The following CIP2A variants were observed in gnomAD, a reference collection of about 807,000 sequenced individuals.
CIP2A encodes the protein protein CIP2A.
A neutral mutation model predicts 110.9 loss-of-function variants in CIP2A; 103 were observed. That is an observed-to-expected ratio of 0.93 (90% CI 0.79 to 1.09). The LOEUF is 1.09. Ranked by LOEUF, CIP2A falls within the 50% of genes least tolerant of loss-of-function variation. The pLI, the probability that CIP2A is intolerant of heterozygous loss-of-function variation, is 0.00. For missense variants in CIP2A, 1,088 were observed against 1,038.4 expected (o/e 1.05, Z -0.66); for synonymous variants, 381 against 361.6 (o/e 1.05, Z -0.61).
At chr3:108,561,490 G>T (rs1938004150) in intron 13 of CIP2A, among the ~76,000 whole-genome samples, 1 of 152,004 alleles carries the variant, frequency 6.6e-6, no homozygotes, top group African/African-American at 2.4e-5. Context: ...GGGCAACCTG[G>T]TGAGACCCCT....
chr3:108,562,784 A>G (rs1440876004), intron 13 of CIP2A, among the ~76,000 whole-genome samples: 1 of 152,034 alleles, frequency 6.6e-6, no homozygotes, highest in Non-Finnish European at 1.5e-5. Flanking sequence ...CCTTTTCCTT[A>G]AACAGTCAGG....
chr3:108,587,636 T>C (rs551117235), intron 1 of CIP2A, among the ~76,000 whole-genome samples: 7 of 152,346 alleles, frequency 4.6e-5, no homozygotes, highest in Non-Finnish European at 1.0e-4. Context: ...ATTTTATCTC[T>C]TAATTACAAA....
Position 108,579,573 on chromosome 3 carries a change from CCCA to C in CIP2A, c.662_664del (p.Val221del), listed in dbSNP as rs997506617. The stretch of plus-strand genomic sequence containing the variant: ...TTGAAAAATTGTATTTACCTTTTCC[CCCA>C]CCTCTTCATTTAATGTCAAACTGGA... On this transcript the variant is annotated inframe_deletion, in exon 6 of 21. Transcript: ENST00000295746. 1 of 1,588,718 alleles carries C rather than the reference CCCA, an allele frequency of 6.3e-7. No individual in the cohort carries two copies. Among genetic ancestry groups the C allele is most frequent in the African/African-American group, 1.4e-5 (1 of 73,724 alleles).
At position 108,551,217 on chromosome 3, in the gene CIP2A, T is replaced by G; in HGVS notation, c.2650A>C (p.Met884Leu). The G allele has an allele frequency of 1.9e-6, 3 of 1,612,100 alleles. No homozygotes were observed. The highest frequency in any genetic ancestry group is 2.5e-6 in the Non-Finnish European group (3 of 1,178,698). The change falls in exon 21 of 21, where the codon ATG (methionine) becomes CTG (leucine). Residue 884 changes from methionine to leucine, a missense_variant. Physicochemically the swap from Met to Leu is conservative, Grantham distance 15. Transcript: ENST00000295746. ...CTTAAACTGTGGATCATTGCTATCA[T>G]GTGGGAGTGTTTGTTCAATTCCTCT... ...QQEELNKHSH[M>L]IAMIHSLSGG...
chr3:108,571,493 T>A (rs1326909724), intron 8 of CIP2A, among the ~76,000 whole-genome samples: 1 of 152,212 alleles, frequency 6.6e-6, no homozygotes, highest in Non-Finnish European at 1.5e-5. Context: ...TACATTCACA[T>A]GGTTCAAAAG....
At chr3:108,579,878 A>T (rs1375242382) in intron 5 of CIP2A, among the ~76,000 whole-genome samples, 190 bp from the exon 6 acceptor site, 2 of 152,218 alleles carry the variant, frequency 1.3e-5, no homozygotes, top group African/African-American at 4.8e-5. Context: ...AAATTCAAAA[A>T]TTGTTATAAA....
chr3:108,559,753 A>T lies in CIP2A; in HGVS notation c.2013+4T>A. Reference sequence around the variant, plus strand: ...AATCAGATGTGTCTTTATATTCTACACACCTCTGTTTCAGCTTGAGTTCTT... The same window carrying T: ...AATCAGATGTGTCTTTATATTCTACTCACCTCTGTTTCAGCTTGAGTTCTT... On this transcript the variant is annotated splice_donor_region_variant and intron_variant, in intron 16 of 20. Transcript: ENST00000295746. The T allele has an allele frequency of 1.3e-6, 2 of 1,541,490 alleles. No individual in the cohort carries two copies. Among genetic ancestry groups the T allele is most frequent in the Non-Finnish European group, 1.8e-6 (2 of 1,127,690 alleles).
At chr3:108,556,907 C>T (rs1937821099) in intron 17 of CIP2A, among the ~76,000 whole-genome samples, 1 of 151,802 alleles carries the variant, frequency 6.6e-6, no homozygotes, top group African/African-American at 2.4e-5. Flanking sequence ...TCCTACAGGC[C>T]CTAGGGATCT....
chr3:108,570,655 T>C (rs1194718611), intron 8 of CIP2A, among the ~76,000 whole-genome samples: 1 of 152,132 alleles, frequency 6.6e-6, no homozygotes, highest in Non-Finnish European at 1.5e-5. Flanking sequence ...TACACCTGTA[T>C]AGGACACTTA....
In CIP2A at chr3:108,576,356, GAATAAA is replaced by G; in HGVS notation, c.819-16_819-11del. 1 of 1,386,396 alleles carries G rather than the reference GAATAAA, an allele frequency of 7.2e-7. No homozygotes were observed. Among genetic ancestry groups the G allele is most frequent in the Non-Finnish European group, 9.9e-7 (1 of 1,006,726 alleles). 85.9% of individuals were successfully genotyped at this position (1,386,396 alleles called of 1,614,324 possible). On this transcript the variant is annotated splice_polypyrimidine_tract_variant and intron_variant, in intron 7 of 20. Transcript: ENST00000295746. ...AGAAAAGTGCTCATATCTAGGTTTA[GAATAAA>G]AATATACATCAAATGATAAATATAA...
intron 15 of CIP2A, 35 bp downstream of exon 15, chr3:108,559,919 C>G: frequency 6.3e-7 from 1 of 1,577,866 alleles, no homozygotes. Flanking sequence ...TCTATTAAAG[C>G]TTATTACACA....
chr3:108,583,052 C>CT lies in CIP2A; in HGVS notation c.281dup (p.Asn95GlufsTer4). On this transcript the variant is annotated frameshift_variant, in exon 3 of 21. Transcript: ENST00000295746. LOFTEE classifies it high-confidence loss of function. ...GCACACTATTCAGATTATATGTATT[C>CT]TGAAGACAATCTCTGGTTTCAATGT... is the stretch of plus-strand genomic sequence containing the variant. 1 of 1,600,756 alleles carries CT rather than the reference C, an allele frequency of 6.2e-7. No homozygotes were observed. The highest frequency in any genetic ancestry group is 8.5e-7 in the Non-Finnish European group (1 of 1,173,520).
At chr3:108,579,148 T>A in intron 7 of CIP2A, 133 bp downstream of exon 7, 3 of 678,620 alleles carry the variant, frequency 4.4e-6, no homozygotes, top group Non-Finnish European at 7.4e-6. Flanking sequence ...GTAAAGCACA[T>A]CAAAACATTT....
intron 1 of CIP2A, chr3:108,585,754 G>C (rs747683953): frequency 2.2e-6 from 1 of 456,392 alleles, no homozygotes; most frequent in Non-Finnish European, 4.4e-6. Context: ...GGTGAGCTCA[G>C]AAGTTAAGGG....
In CIP2A at chr3:108,576,425, T is replaced by C. The variant is rs376243740; in HGVS notation, c.819-79A>G. The C allele has an allele frequency of 2.7e-5, 20 of 731,288 alleles. No homozygotes were observed. The East Asian group carries it at 3.7e-4, about 13-fold the overall frequency. The allele number at this position is 731,288 out of a possible 1,614,324, so 45.3% of individuals were successfully genotyped here. On this transcript the variant is annotated intron_variant, in intron 7 of 20. Transcript: ENST00000295746. Reference sequence around the variant, plus strand: ...AAAAGGGATTTATCTACAAGATAAATATAAAATTTATGTGTATTTTCTTTC... The same window carrying C: ...AAAAGGGATTTATCTACAAGATAAACATAAAATTTATGTGTATTTTCTTTC...
intron 7 of CIP2A, among the ~76,000 whole-genome samples, chr3:108,577,880 T>C (rs894308383): frequency 4.6e-5 from 7 of 151,904 alleles, no homozygotes; most frequent in East Asian, 1.9e-4. Context: ...GCCTGGGCAA[T>C]AGAGCGAGAC....
chr3:108,582,169 C>T lies in CIP2A; in HGVS notation c.391G>A (p.Val131Ile). ...TTGGCACCAGAATAGAAAATTTTGA[C>T]ATTATATGTTAACTTCTGTAGAAGT... is the stretch of plus-strand genomic sequence containing the variant. ...IQLLQKLTYNVKIFYSGANID... is the reference protein window; with the variant it reads ...IQLLQKLTYNIKIFYSGANID... Residue 131 changes from valine to isoleucine, a missense_variant, in exon 4 of 21, where the codon GTC becomes ATC. Transcript: ENST00000295746. 1 of 1,482,300 alleles carries T rather than the reference C, an allele frequency of 6.7e-7. No homozygotes were observed. Among genetic ancestry groups the T allele is most frequent in the Non-Finnish European group, 9.3e-7 (1 of 1,076,594 alleles). 91.8% of individuals were successfully genotyped at this position (1,482,300 alleles called of 1,614,324 possible). A position where few individuals can be genotyped will look rare whatever the true frequency, so the allele number is the denominator to read the frequency against.
At chr3:108,568,518 A>AC (rs1938264246) in intron 9 of CIP2A, among the ~76,000 whole-genome samples, 1 of 152,030 alleles carries the variant, frequency 6.6e-6, no homozygotes, top group Admixed American at 6.6e-5. Context: ...TTTTTCTCAA[A>AC]TTAGACAGTA....
At chr3:108,585,278 A>G in intron 1 of CIP2A, 66 bp from the exon 2 acceptor site, 1 of 1,436,842 alleles carries the variant, frequency 7.0e-7, no homozygotes, top group East Asian at 2.4e-5. Context: ...TCCATTTCAA[A>G]TAAAAAACTC....
Sources: allele counts gnomAD v4.1 joint callset (sites outside exome capture counted in the v4.1 genomes callset), GRCh38; gene constraint gnomAD v4.1.1; transcripts MANE v1.5; gene names NCBI Gene and HGNC (gene_info 2026-07-23, HGNC 2026-07-21).